Variants in TTN observed in about 807,000 individuals in gnomAD.
TTN encodes connectin.
A neutral mutation model predicts 3,223.0 loss-of-function variants in TTN; 1,525 were observed. The ratio of observed to expected loss-of-function variants is 0.47; its 90% CI spans 0.45 to 0.49. The LOEUF (loss-of-function observed/expected upper bound fraction) is 0.49, where lower values mean the gene tolerates loss of function less well. TTN is among the 20% of genes least tolerant of loss of function. The pLI is 0.00. For missense variants in TTN, 40,786 were observed against 43,424.0 expected (o/e 0.94, Z 5.40); for synonymous variants, 14,094 against 15,161.0 (o/e 0.93, Z 5.17).
intron 354 of TTN, 115 bp from the exon 355 acceptor site, chr2:178,538,032 T>C: frequency 1.0e-6 from 1 of 989,652 alleles, no homozygotes. Flanking sequence ...ATGATTTACA[T>C]ATTAGCCTAA....
chr2:178,617,087 A>T, intron 255 of TTN, 33 bp downstream of exon 255: 1 of 1,610,776 alleles, frequency 6.2e-7, no homozygotes, highest in African/African-American at 1.3e-5. Context: ...GCTATGTGCT[A>T]TTCCCCGATC....
At chr2:178,623,845 C>T (rs1470769327) in intron 242 of TTN, among the ~76,000 whole-genome samples, 1 of 151,874 alleles carries the variant, frequency 6.6e-6, no homozygotes, top group Non-Finnish European at 1.5e-5. Context: ...ACATTTTTCA[C>T]CAGAGGAAGA....
At position 178,552,300 on chromosome 2, in the gene TTN, T is replaced by A; in HGVS notation, c.90600A>T (p.Gly30200=). 6.2e-7 allele frequency: 1 copy of A among 1,612,650 alleles called. No individual in the cohort carries two copies. The highest frequency in any genetic ancestry group is 2.2e-5 in the East Asian group (1 of 44,850). ...CATTATCAAGAATAACAGTGTATTTTCCTCCATGCTCCTTCTTGGCATTCT... is the reference window on the plus strand; with the variant it reads ...CATTATCAAGAATAACAGTGTATTTACCTCCATGCTCCTTCTTGGCATTCT... ...SIKNAKKEHG[G]KYTVILDNAV... The change falls in exon 335 of 363, where the codon GGA becomes GGT. Residue 30200 remains glycine (G), a synonymous_variant. Transcript: ENST00000589042.
intron 49 of TTN, chr2:178,737,838 T>A (rs1049038266): frequency 2.4e-6 from 1 of 411,384 alleles, no homozygotes; most frequent in African/African-American, 2.0e-5. Context: ...GCTGAGCTCA[T>A]TTGATTACTT....
rs762929989 is a variant in TTN at position 178,539,047 on chromosome 2, A to G, written c.98888T>C (p.Val32963Ala). ...GCGGAACTGATACTCAGCATCGGGA[A>G]CAAGCCCTGTGACAGTGTACATTGT... ...TTTMYTVTGLVPDAEYQFRII... is the reference protein window; with the variant it reads ...TTTMYTVTGLAPDAEYQFRII... Residue 32963 changes from valine to alanine, a missense_variant, in exon 353 of 363, where the codon GTT becomes GCT. Transcript: ENST00000589042. The G allele has an allele frequency of 6.8e-6, 11 of 1,613,818 alleles. No individual in the cohort carries two copies. The highest frequency in any genetic ancestry group is 9.3e-6 in the Non-Finnish European group (11 of 1,179,748).
intron 282 of TTN, among the ~76,000 whole-genome samples, chr2:178,603,245 G>GTCC (rs2053923292): frequency 6.6e-6 from 1 of 151,916 alleles, no homozygotes; most frequent in African/African-American, 2.4e-5. Context: ...GCTCCACATA[G>GTCC]CACTTGAGTA....
rs1212941219 is a variant in TTN at position 178,586,631 on chromosome 2, G to A, written c.64270C>T (p.Leu21424=). 6.2e-7 allele frequency: 1 copy of A among 1,613,050 alleles called. No individual in the cohort carries two copies. The highest frequency in any genetic ancestry group is 1.7e-5 in the Admixed American group (1 of 59,946). The change falls in exon 308 of 363, where the codon CTG becomes TTG. Residue 21424 remains leucine, a synonymous_variant. Coordinates refer to ENST00000589042, the MANE Select transcript of TTN (RefSeq NM_001267550.2). ...RWTEYSVVKD[L]SLVVTGLKEG... is the part of the protein sequence containing the mutation. ...TTTAGGCCAGTGACAACAAGGCTCA[G>A]ATCTTTTACCACTGAGTACTCTGTC...
At position 178,714,592 on chromosome 2, in the gene TTN, A is replaced by T; in HGVS notation, c.26201-19T>A. Reference sequence around the variant, plus strand: ...GGTGGTGCTGATGAAAAAGGAGGAAAGCCTGGGTTTTAAAATTTGTGAGAC... The same window carrying T: ...GGTGGTGCTGATGAAAAAGGAGGAATGCCTGGGTTTTAAAATTTGTGAGAC... On this transcript the variant is annotated intron_variant, in intron 90 of 362. Transcript: ENST00000589042. The T allele has an allele frequency of 6.4e-7, 1 of 1,564,850 alleles. No individual in the cohort carries two copies. The highest frequency in any genetic ancestry group is 8.6e-7 in the Non-Finnish European group (1 of 1,158,366).
Position 178,605,287 on chromosome 2 carries a change from T to G in TTN, c.53890A>C (p.Thr17964Pro). ...CGAACACTCAGACGCAACTTAATAG[T>G]TGGAGGCACTGCAAAGAGAAGAGAA... ...VVIQDDEVPP[T>P]IKLRLSVRGD... The change falls in exon 280 of 363, where the codon ACT becomes CCT. Residue 17964 changes from threonine to proline, a missense_variant. By Grantham distance (38) the Thr-to-Pro change is conservative. Transcript: ENST00000589042. 2 of 1,573,556 alleles carry G rather than the reference T, an allele frequency of 1.3e-6. No homozygotes were observed. Among genetic ancestry groups the G allele is most frequent in the Non-Finnish European group, 1.7e-6 (2 of 1,161,670 alleles).
intron 238 of TTN, 43 bp from the exon 239 acceptor site, chr2:178,630,410 CT>C: frequency 1.9e-6 from 3 of 1,548,320 alleles, no homozygotes; most frequent in South Asian, 2.5e-5. Flanking sequence ...AAATAATTTT[CT>C]TTGAAATTTT....
rs1348921301 is a variant in TTN, at chr2:178,559,833, T to C, written c.86299A>G (p.Lys28767Glu). The change falls in exon 326 of 363, where the codon AAG becomes GAG. Residue 28767 changes from lysine (K) to glutamate (E), a missense_variant. Lys to Glu is a moderately conservative substitution (Grantham distance 56, BLOSUM62 1). Transcript: ENST00000589042. ...DSEMRKTLIV[K>E]AGASFTMTVP... is the part of the protein sequence containing the mutation. ...GTCATGGTAAATGAGGCACCAGCCT[T>C]GACAATCAAGGTCTTCCTCATTTCA... is the stretch of plus-strand genomic sequence containing the variant. 6.2e-7 allele frequency: 1 copy of C among 1,610,746 alleles called. No homozygotes were observed. The highest frequency in any genetic ancestry group is 8.5e-7 in the Non-Finnish European group (1 of 1,179,648).
rs769211528 is a variant in TTN at position 178,739,684 on chromosome 2, C to T, written c.13549G>A (p.Glu4517Lys). The change falls in exon 48 of 363, where the codon GAA becomes AAA. Residue 4517 changes from glutamate (E) to lysine (K), a missense_variant. Transcript: ENST00000589042. ...TCAACTTCTGGTTCAGTAATGGGTT[C>T]AACCTTCTGTGAACCTGAAAAAGAA... Reference protein sequence around the residue: ...MDSFSGSQKVEPITEPEVESK... With the variant: ...MDSFSGSQKVKPITEPEVESK... 1 of 1,613,900 alleles carries T rather than the reference C, an allele frequency of 6.2e-7. No individual in the cohort carries two copies. Among genetic ancestry groups the T allele is most frequent in the Non-Finnish European group, 8.5e-7 (1 of 1,179,836 alleles).
chr2:178,614,382 T>A lies in TTN; in HGVS notation c.49049-34A>T, dbSNP rs530139544. 914 of 1,578,110 alleles carry A rather than the reference T, an allele frequency of 5.8e-4. 8 individuals are homozygous for A. In the South Asian group the frequency reaches 0.01, roughly 18 times the overall value. On this transcript the variant is annotated intron_variant, in intron 261 of 362. Transcript: ENST00000589042. ...GGCATTACAGATGCAGAAAAAAAAA[T>A]TGTTCACCATTTTTTTTATTTTTTT...
chr2:178,526,904 C>T lies in TTN; in HGVS notation c.*108G>A. 3 of 1,102,188 alleles carry T rather than the reference C, an allele frequency of 2.7e-6. No individual in the cohort carries two copies. The highest frequency in any genetic ancestry group is 2.7e-5 in the East Asian group (1 of 36,650). The allele number at this position is 1,102,188 out of a possible 1,614,324, so 68.3% of individuals were successfully genotyped here. A position where few individuals can be genotyped will look rare whatever the true frequency, so the allele number is the denominator to read the frequency against. ...GAACTTTGACTCATTTAGGTTGATA[C>T]AAAACTACTTTTTTTTCTTTAAATA... On this transcript the variant is annotated 3_prime_UTR_variant, in exon 363 of 363. Transcript: ENST00000589042.
intron 356 of TTN, 96 bp from the exon 357 acceptor site, chr2:178,536,671 T>G: frequency 8.8e-7 from 1 of 1,131,566 alleles, no homozygotes; most frequent in South Asian, 2.0e-5. Context: ...AGTCCAAAAT[T>G]TTGTTAAAAA....
In TTN at chr2:178,559,023, G is replaced by GTATA. The variant is rs112911746; in HGVS notation, c.86821+284_86821+287dup. 3.0e-3 allele frequency: 821 copies of GTATA among 272,182 alleles called. 5 individuals carry two copies. Among genetic ancestry groups the GTATA allele is most frequent in the African/African-American group, 0.016 (710 of 43,584 alleles). 16.9% of individuals were successfully genotyped at this position (272,182 alleles called of 1,614,324 possible). On this transcript the variant is annotated intron_variant, in intron 326 of 362. Coordinates refer to ENST00000589042, the MANE Select transcript of TTN (RefSeq NM_001267550.2). The stretch of plus-strand genomic sequence containing the variant: ...CACATACTATATATATATAATCTGT[G>GTATA]TATATATATATATAAACATGTATAC...
At position 178,609,443 on chromosome 2, in the gene TTN, T is replaced by C; in HGVS notation, c.51867A>G (p.Val17289=). 1 of 1,612,378 alleles carries C rather than the reference T, an allele frequency of 6.2e-7. No individual in the cohort carries two copies. The highest frequency in any genetic ancestry group is 8.5e-7 in the Non-Finnish European group (1 of 1,179,098). The change falls in exon 273 of 363, where the codon GTA becomes GTG. Residue 17289 remains valine (V), a synonymous_variant. Coordinates refer to ENST00000589042, the MANE Select transcript of TTN (RefSeq NM_001267550.2). ...CTGCACGCTTCTTAATTTCCTCTGG[T>C]ACAATAACATTTTCATCCTTTATCC... is the stretch of plus-strand genomic sequence containing the variant. ...ITWIKDENVI[V]PEEIKKRAAP...
intron 240 of TTN, 123 bp downstream of exon 240, chr2:178,629,178 G>T: frequency 7.5e-7 from 1 of 1,330,130 alleles, no homozygotes; most frequent in South Asian, 1.7e-5. Context: ...GGCTAAAGGC[G>T]GAAAGAGAAA....
rs1480153886 is a variant in TTN, at chr2:178,694,804, G to A, written c.31348+25C>T. 13 of 1,533,944 alleles carry A rather than the reference G, an allele frequency of 8.5e-6. No individual in the cohort carries two copies. In the South Asian group the frequency reaches 1.6e-4, roughly 18 times the overall value. ...GTAAACATATTACTTGTGTACATGG[G>A]TGCTAGGAATGTTTTAAATAATACC... On this transcript the variant is annotated intron_variant, in intron 116 of 362. Transcript: ENST00000589042.
Sources: allele counts gnomAD v4.1 joint callset (sites outside exome capture counted in the v4.1 genomes callset), GRCh38; gene constraint gnomAD v4.1.1; transcripts MANE v1.5; gene names NCBI Gene and HGNC (gene_info 2026-07-23, HGNC 2026-07-21).